The following MEIOC variants were observed in gnomAD, a reference collection of about 807,000 sequenced individuals.
The protein encoded by MEIOC is meiosis specific with coiled-coil domain, also known as meiosis-specific coiled-coil domain-containing protein MEIOC.
Under a neutral mutation model 85.3 loss-of-function variants are expected in MEIOC, and 9 were observed. The ratio of observed to expected loss-of-function variants is 0.11; its 90% confidence interval spans 0.06 to 0.18. MEIOC has a LOEUF of 0.18. Ranked by LOEUF, MEIOC falls within the 10% of genes least tolerant of loss-of-function variation. The probability of loss-of-function intolerance (pLI) is 1.00; values close to 1 mark genes in which losing one functional copy is unlikely to be tolerated. For synonymous variants in MEIOC, 365 were observed against 393.7 expected (o/e 0.93, Z 0.86); for missense variants, 898 against 1,129.4 (o/e 0.80, Z 2.94).
At position 44,659,053 on chromosome 17, in the gene MEIOC, T is replaced by A. The variant is rs537113814; in HGVS notation, c.204+1792T>A. Among the ~76,000 whole-genome samples the A allele has an allele frequency of 2.0e-5, 3 of 152,296 alleles. No homozygotes were observed. In the South Asian group the frequency reaches 6.2e-4, roughly 32 times the overall value. On this transcript the variant is annotated intron_variant, in intron 2 of 7. Coordinates refer to ENST00000409122, the MANE Select transcript of MEIOC (RefSeq NM_001145080.3). ...ATGTCTTAAATTATATGCTACCACT[T>A]ACCTCACCAAGACATTTAGATTTAT... is the stretch of plus-strand genomic sequence containing the variant.
rs1330772359 is a variant in MEIOC, at chr17:44,675,239, T to C, written c.*1043T>C. On this transcript the variant is annotated 3_prime_UTR_variant, in exon 8 of 8. Coordinates refer to ENST00000409122, the MANE Select transcript of MEIOC (RefSeq NM_001145080.3). ...ATTGGTTAGCCTATATTTTGCGTAG[T>C]TGTGTTCATTAGTTTGCTTCTGTAT... is the stretch of plus-strand genomic sequence containing the variant. The C allele has an allele frequency of 6.1e-6, 6 of 985,000 alleles. No homozygotes were observed. In the East Asian group the frequency reaches 3.4e-4, roughly 56 times the overall value. The allele number at this position is 985,000 out of a possible 1,614,324, so 61.0% of individuals were successfully genotyped here.
chr17:44,666,985 T>C lies in MEIOC; in HGVS notation c.1074T>C (p.Pro358=). The C allele has an allele frequency of 6.2e-7, 1 of 1,613,290 alleles. No individual in the cohort carries two copies. Among genetic ancestry groups the C allele is most frequent in the South Asian group, 1.1e-5 (1 of 90,964 alleles). ...GCAAAAAATTAGCCAATGGCACACC[T>C]GAAACACCAACTGTAGAAGCAGACA... The part of the protein sequence containing the change: ...QDSKKLANGT[P]ETPTVEADTY... The change falls in exon 5 of 8, where the codon CCT becomes CCC. Residue 358 remains proline (P), a synonymous_variant. Coordinates refer to ENST00000409122, the MANE Select transcript of MEIOC (RefSeq NM_001145080.3).
chr17:44,676,002 C>A, downstream of MEIOC: 1 of 160,628 alleles, frequency 6.2e-6, no homozygotes, highest in Non-Finnish European at 1.3e-5. Flanking sequence ...GAAATTTTTG[C>A]TCTATCTTTA....
In MEIOC at chr17:44,657,430, C is replaced by T. The variant is rs894114613; in HGVS notation, c.204+169C>T. On this transcript the variant is annotated intron_variant, in intron 2 of 7. Transcript: ENST00000409122. ...ACAGAGTCTTGCTCTGTCTCCTAGG[C>T]TGGAGTGCAGTGGCGCCATCTCGGC... Among the ~76,000 whole-genome samples, 6 of 131,164 alleles carry T rather than the reference C, an allele frequency of 4.6e-5. No homozygotes were observed. In the East Asian group the frequency reaches 1.4e-3, roughly 31 times the overall value. The allele number at this position is 131,164 out of a possible 152,430, so 86.0% of individuals were successfully genotyped here. A position where few individuals can be genotyped will look rare whatever the true frequency, so the allele number is the denominator to read the frequency against.
chr17:44,657,402 G>GA lies in MEIOC; in HGVS notation c.204+142dup, dbSNP rs1971778929. On this transcript the variant is annotated intron_variant, in intron 2 of 7. Transcript: ENST00000409122. ...ACTTTTTTTTTTTTTTTTTTTTTTT[G>GA]AGACAGAGTCTTGCTCTGTCTCCTA... 7 of 499,964 alleles carry GA rather than the reference G, an allele frequency of 1.4e-5. No individual in the cohort carries two copies. The African/African-American group carries it at 3.3e-4, about 24-fold the overall frequency. 31.0% of individuals were successfully genotyped at this position (499,964 alleles called of 1,614,324 possible).
At position 44,666,635 on chromosome 17, in the gene MEIOC, A is replaced by T; in HGVS notation, c.724A>T (p.Ser242Cys). The T allele has an allele frequency of 6.2e-7, 1 of 1,611,720 alleles. No homozygotes were observed. Among genetic ancestry groups the T allele is most frequent in the Non-Finnish European group, 8.5e-7 (1 of 1,178,734 alleles). The change falls in exon 5 of 8, where the codon AGT becomes TGT. Residue 242 changes from serine to cysteine, a missense_variant. Transcript: ENST00000409122. ...LEEQWMYPSR[S>C]DHSNCHNIQT... is the part of the protein sequence containing the mutation. ...AGAACAATGGATGTACCCCTCACGA[A>T]GTGATCATTCTAACTGTCACAATAT...
At position 44,674,976 on chromosome 17, in the gene MEIOC, G is replaced by A. The variant is rs1224427781; in HGVS notation, c.*780G>A. 1 of 981,512 alleles carries A rather than the reference G, an allele frequency of 1.0e-6. No homozygotes were observed. Among genetic ancestry groups the A allele is most frequent in the African/African-American group, 1.8e-5 (1 of 57,056 alleles). 60.8% of individuals were successfully genotyped at this position (981,512 alleles called of 1,614,324 possible). On this transcript the variant is annotated 3_prime_UTR_variant, in exon 8 of 8. Coordinates refer to ENST00000409122, the MANE Select transcript of MEIOC (RefSeq NM_001145080.3). Reference sequence around the variant, plus strand: ...AATCACAAAACATTCCCTTTATCTGGATCTTTTAGACTTGATGCACAGTAA... The same window carrying A: ...AATCACAAAACATTCCCTTTATCTGAATCTTTTAGACTTGATGCACAGTAA...
chr17:44,661,883 T>C (rs1373960035), intron 2 of MEIOC, among the ~76,000 whole-genome samples: 1 of 152,108 alleles, frequency 6.6e-6, no homozygotes, highest in Non-Finnish European at 1.5e-5. Flanking sequence ...AAAAATAACA[T>C]TGCTAGTATC....
In MEIOC at chr17:44,666,436, C is replaced by T. The variant is rs1217496369; in HGVS notation, c.525C>T (p.His175=). The part of the protein sequence containing the change: ...WPMNTSRFAD[H]HDLLTETKRP... ...TGAACACAAGCAGATTTGCAGATCA[C>T]CATGACCTCTTAACAGAAACCAAAA... is the stretch of plus-strand genomic sequence containing the variant. The change falls in exon 5 of 8, where the codon CAC becomes CAT. Residue 175 remains histidine (H), a synonymous_variant. Coordinates refer to ENST00000409122, the MANE Select transcript of MEIOC (RefSeq NM_001145080.3). The T allele has an allele frequency of 6.4e-7, 1 of 1,555,816 alleles. No individual in the cohort carries two copies. The highest frequency in any genetic ancestry group is 1.4e-5 in the African/African-American group (1 of 73,426).
intron 3 of MEIOC, among the ~76,000 whole-genome samples, chr17:44,662,684 C>T (rs1295774584): frequency 4.6e-5 from 7 of 152,194 alleles, no homozygotes; most frequent in African/African-American, 1.7e-4. Context: ...CAGGGTCTCG[C>T]TCTGTCACCC....
In MEIOC at chr17:44,675,164, G is replaced by T. The variant is rs907391970; in HGVS notation, c.*968G>T. Reference sequence around the variant, plus strand: ...GTTGTGTTCATTAGTTTGCTTCTAAGTTCTAAAATGTATTTTTTAAAGGTT... The same window carrying T: ...GTTGTGTTCATTAGTTTGCTTCTAATTTCTAAAATGTATTTTTTAAAGGTT... On this transcript the variant is annotated 3_prime_UTR_variant, in exon 8 of 8. Transcript: ENST00000409122. 7.1e-6 allele frequency: 7 copies of T among 984,680 alleles called. No homozygotes were observed. The Admixed American group carries it at 4.3e-4, about 61-fold the overall frequency. The allele number at this position is 984,680 out of a possible 1,614,324, so 61.0% of individuals were successfully genotyped here. A position where few individuals can be genotyped will look rare whatever the true frequency, so the allele number is the denominator to read the frequency against.
At position 44,674,112 on chromosome 17, in the gene MEIOC, T is replaced by C; in HGVS notation, c.2775T>C (p.Asp925=). The change falls in exon 8 of 8, where the codon GAT becomes GAC. Residue 925 remains aspartate, a synonymous_variant. Coordinates refer to ENST00000409122, the MANE Select transcript of MEIOC (RefSeq NM_001145080.3). ...CTGATGTGGTAAAGCCTTTACAAGA[T>C]ACAGTAAACTGTGAAGATAAAGTCC... ...STADVVKPLQ[D]TVNCEDKVHE... is the part of the protein sequence containing the mutation. 6.4e-7 allele frequency: 1 copy of C among 1,551,708 alleles called. No homozygotes were observed. The highest frequency in any genetic ancestry group is 8.7e-7 in the Non-Finnish European group (1 of 1,147,004).
At chr17:44,660,630 T>C (rs1971830350) in intron 2 of MEIOC, among the ~76,000 whole-genome samples, 1 of 152,204 alleles carries the variant, frequency 6.6e-6, no homozygotes, top group Non-Finnish European at 1.5e-5. Context: ...GTTTTAATAG[T>C]TACTTATCTG....
At chr17:44,673,804 A>G in intron 7 of MEIOC, 172 bp from the exon 8 acceptor site, 1 of 810,908 alleles carries the variant, frequency 1.2e-6, no homozygotes, top group Non-Finnish European at 1.9e-6. Context: ...AAGTATCAAT[A>G]CTTTTAAATA....
At chr17:44,665,292 C>T in intron 3 of MEIOC, 92 bp from the exon 4 acceptor site, 2 of 893,026 alleles carry the variant, frequency 2.2e-6, no homozygotes, top group South Asian at 4.1e-5. Context: ...AGATTCAGTC[C>T]ACATATTTTA....
At position 44,667,703 on chromosome 17, in the gene MEIOC, G is replaced by A; in HGVS notation, c.1792G>A (p.Gly598Arg). The change falls in exon 5 of 8, where the codon GGG becomes AGG. Residue 598 changes from glycine (G) to arginine (R), a missense_variant. Transcript: ENST00000409122. ...TGATAACTATTCAGCTCAGAAGTAT[G>A]GGATAATTGAAAATGTAAACAAACA... Reference protein sequence around the residue: ...FCDNYSAQKYGIIENVNKHNF... With the variant: ...FCDNYSAQKYRIIENVNKHNF... 6.2e-7 allele frequency: 1 copy of A among 1,613,414 alleles called. No individual in the cohort carries two copies. The highest frequency in any genetic ancestry group is 2.2e-5 in the East Asian group (1 of 44,878).
intron 6 of MEIOC, chr17:44,670,236 C>G (rs1308203591): frequency 3.9e-5 from 5 of 129,814 alleles, no homozygotes; most frequent in Admixed American, 9.5e-5. Context: ...GCATTCCAAC[C>G]TGGGGAACAG....
rs1011813769 is a variant in MEIOC, at chr17:44,675,522, AAG to A, written c.*1329_*1330del. The A allele has an allele frequency of 7.3e-5, 71 of 978,546 alleles. No homozygotes were observed. In the African/African-American group the frequency reaches 9.3e-4, roughly 13 times the overall value. The allele number at this position is 978,546 out of a possible 1,614,324, so 60.6% of individuals were successfully genotyped here. A position where few individuals can be genotyped will look rare whatever the true frequency, so the allele number is the denominator to read the frequency against. On this transcript the variant is annotated 3_prime_UTR_variant, in exon 8 of 8. Coordinates refer to ENST00000409122, the MANE Select transcript of MEIOC (RefSeq NM_001145080.3). ...TAGAAATTCTGGTATTAAAAAAAAA[AAG>A]AGTGTAATCATACCACATAAATTTT...
chr17:44,669,049 A>G (rs574342735), intron 5 of MEIOC, among the ~76,000 whole-genome samples: 8 of 152,288 alleles, frequency 5.3e-5, no homozygotes, highest in Admixed American at 2.0e-4. Context: ...TAAAAATACA[A>G]AAAATTAGCC....
Sources: gnomAD v4.1 joint callset for allele counts (sites outside exome capture counted in the v4.1 genomes callset) on GRCh38, gnomAD v4.1.1 for gene constraint, MANE v1.5 for transcripts, NCBI Gene and HGNC (gene_info 2026-07-23, HGNC 2026-07-21) for gene names.